The following PLXNA4 variants were observed in gnomAD, a reference collection of about 807,000 sequenced individuals.
The protein encoded by PLXNA4 is plexin-A4.
A neutral mutation model predicts 191.8 loss-of-function variants in PLXNA4; 44 were observed. The ratio of observed to expected loss-of-function variants is 0.23; its 90% CI spans 0.18 to 0.29. The LOEUF (loss-of-function observed/expected upper bound fraction) is 0.29, where lower values mean the gene tolerates loss of function less well. Ranked by LOEUF, PLXNA4 falls within the 10% of genes least tolerant of loss-of-function variation. The pLI, the probability that PLXNA4 is intolerant of heterozygous loss-of-function variation, is 1.00. For missense variants in PLXNA4, 1,800 were observed against 2,488.8 expected, an observed-to-expected ratio of 0.72 and a Z score of 5.89; for synonymous variants, 1,082 against 1,009.5, an observed-to-expected ratio of 1.07 and a Z score of -1.36.
In PLXNA4 at chr7:132,461,012, A is replaced by G. The variant is rs922087609; in HGVS notation, c.1371+28280T>C. Among the ~76,000 whole-genome samples, 7 of 152,336 alleles carry G rather than the reference A, an allele frequency of 4.6e-5. No homozygotes were observed. The East Asian group carries it at 1.2e-3, about 25-fold the overall frequency. On this transcript the variant is annotated intron_variant, in intron 3 of 31. Transcript: ENST00000321063. ...ATTTTCCTATGAGATAGATTTACCA[A>G]AAGGAAAAAAGAAAGAAAATGTCTG...
chr7:132,283,854 C>T (rs1800580629), intron 4 of PLXNA4, among the ~76,000 whole-genome samples: 1 of 152,200 alleles, frequency 6.6e-6, no homozygotes, highest in Non-Finnish European at 1.5e-5. Context: ...ATTAAATGCA[C>T]TATCAAATGC....
chr7:132,251,888 G>C (rs1371137299), intron 4 of PLXNA4, among the ~76,000 whole-genome samples: 1 of 152,176 alleles, frequency 6.6e-6, no homozygotes, highest in Non-Finnish European at 1.5e-5. Context: ...TTCAAAAAGG[G>C]ATTTGACTCT....
intron 2 of PLXNA4, among the ~76,000 whole-genome samples, chr7:132,490,146 T>C (rs1302740101): frequency 6.6e-6 from 1 of 152,194 alleles, no homozygotes; most frequent in Non-Finnish European, 1.5e-5. Context: ...GACCTCAGGC[T>C]CCCTGTGTCT....
Position 132,301,060 on chromosome 7 carries a change from C to T in PLXNA4, c.1372-2838G>A, listed in dbSNP as rs935786709. On this transcript the variant is annotated intron_variant, in intron 3 of 31. Coordinates refer to ENST00000321063, the MANE Select transcript of PLXNA4 (RefSeq NM_020911.2). ...CACCAACTGGACAAGGTTCCATAGG[C>T]CTGGCCTTCTGCAAGGAGGCTGGAT... 2.6e-5 allele frequency among the ~76,000 whole-genome samples: 4 copies of T among 152,190 alleles called. No individual in the cohort carries two copies. The East Asian group carries it at 7.7e-4, about 29-fold the overall frequency.
chr7:132,562,345 TTCTCCTTCCTCCTCCTCCTCTG>T (rs1801219020), intron 1 of PLXNA4, among the ~76,000 whole-genome samples: 1 of 96,110 alleles, frequency 1.0e-5, no homozygotes. Flanking sequence ...CTCCTCCTTC[TTCTCCTTCCTCCTCCTCCTCTG>T]CCTCCTCCTC....
chr7:132,262,299 C>G (rs1238087355), intron 4 of PLXNA4, among the ~76,000 whole-genome samples: 1 of 152,186 alleles, frequency 6.6e-6, no homozygotes, highest in Non-Finnish European at 1.5e-5. Context: ...GGCTGCCACC[C>G]CTCTGCTCCC....
chr7:132,339,809 T>C (rs1303872010), intron 3 of PLXNA4, among the ~76,000 whole-genome samples: 1 of 152,186 alleles, frequency 6.6e-6, no homozygotes, highest in Non-Finnish European at 1.5e-5. Context: ...TATTCAGGAC[T>C]TATTATGATT....
intron 1 of PLXNA4, among the ~76,000 whole-genome samples, chr7:132,552,361 G>A (rs1800600143): frequency 6.6e-6 from 1 of 152,156 alleles, no homozygotes; most frequent in South Asian, 2.1e-4. Context: ...AGAAGTCACA[G>A]GGGGAGTTAT....
chr7:132,634,421 G>A (rs28360900), intron 2 of PLXNA4, among the ~76,000 whole-genome samples: 1 of 151,164 alleles, frequency 6.6e-6, no homozygotes, highest in African/African-American at 2.4e-5. Flanking sequence ...GAGTGAGTAG[G>A]GGTCTGACAC....
chr7:132,514,283 C>T (rs552062304), intron 1 of PLXNA4, among the ~76,000 whole-genome samples: 6 of 149,582 alleles, frequency 4.0e-5, no homozygotes, highest in Admixed American at 1.3e-4. Context: ...GATCTCCTGA[C>T]CTCATGATCC....
intron 1 of PLXNA4, among the ~76,000 whole-genome samples, chr7:132,561,512 T>C: frequency 1.9e-5 from 2 of 107,562 alleles, no homozygotes. Context: ...CACCTCCTCC[T>C]CCTCCTTCTC....
intron 1 of PLXNA4, among the ~76,000 whole-genome samples, chr7:132,549,599 C>G (rs1239851795): frequency 2.0e-5 from 3 of 152,150 alleles, no homozygotes; most frequent in Non-Finnish European, 4.4e-5. Flanking sequence ...CTAAAATCTT[C>G]CTGGGGGCAG....
intron 3 of PLXNA4, among the ~76,000 whole-genome samples, chr7:132,445,585 T>TA (rs550223176): frequency 6.6e-6 from 1 of 152,130 alleles, no homozygotes; most frequent in Non-Finnish European, 1.5e-5. Flanking sequence ...AGCTTTGACA[T>TA]TCACTTCTAG....
At chr7:132,362,701 T>A (rs1803996751) in intron 3 of PLXNA4, among the ~76,000 whole-genome samples, 1 of 152,208 alleles carries the variant, frequency 6.6e-6, no homozygotes, top group East Asian at 1.9e-4. Flanking sequence ...AAAAGAACAC[T>A]TGACTTGAAG....
chr7:132,644,142 G>GGCTCCA (rs1803809458), intron 2 of PLXNA4, among the ~76,000 whole-genome samples: 1 of 152,144 alleles, frequency 6.6e-6, no homozygotes, highest in Non-Finnish European at 1.5e-5. Flanking sequence ...GTGAGCAAAT[G>GGCTCCA]GCTCCAGAGT....
chr7:132,174,152 T>G (rs1333672532), intron 21 of PLXNA4, among the ~76,000 whole-genome samples: 1 of 152,218 alleles, frequency 6.6e-6, no homozygotes, highest in Non-Finnish European at 1.5e-5. Flanking sequence ...ATTTTTCACT[T>G]TTCTCTGGTA....
intron 9 of PLXNA4, among the ~76,000 whole-genome samples, chr7:132,222,236 C>T (rs889020009): frequency 9.8e-5 from 15 of 152,308 alleles, no homozygotes; most frequent in Non-Finnish European, 8.8e-5. Context: ...GGGATTTGGG[C>T]CGGGATTTTC....
intron 1 of PLXNA4, among the ~76,000 whole-genome samples, chr7:132,535,512 G>A (rs1799797733): frequency 6.6e-6 from 1 of 152,100 alleles, no homozygotes; most frequent in Admixed American, 6.5e-5. Context: ...CCTCATATCA[G>A]CTGCAGAGTT....
chr7:132,359,212 T>TC (rs1803832975), intron 3 of PLXNA4, among the ~76,000 whole-genome samples: 1 of 77,700 alleles, frequency 1.3e-5, no homozygotes, highest in Non-Finnish European at 2.3e-5. Flanking sequence ...AAGGCTGCTT[T>TC]TTTTTTTTTT....
Sources: gnomAD v4.1 joint callset for allele counts (sites outside exome capture counted in the v4.1 genomes callset) on GRCh38, gnomAD v4.1.1 for gene constraint, MANE v1.5 for transcripts, NCBI Gene and HGNC (gene_info 2026-07-23, HGNC 2026-07-21) for gene names.